The following STX8 variants were observed in gnomAD, a reference collection of about 807,000 sequenced individuals.
STX8 encodes syntaxin-8.
A neutral mutation model predicts 37.5 loss-of-function variants in STX8; 23 were observed. The observed-to-expected ratio is 0.61, with a 90% CI of 0.44 to 0.87. The LOEUF (loss-of-function observed/expected upper bound fraction) is 0.87, where lower values mean the gene tolerates loss of function less well. Among genes scored for constraint, STX8 ranks in the 40% least tolerant of loss-of-function variants. The pLI is 0.00. For missense variants in STX8, 313 were observed against 284.7 expected (o/e 1.10, Z -0.71); for synonymous variants, 115 against 99.1 (o/e 1.16, Z -0.95).
chr17:9,447,484 G>A (rs1346917878), intron 6 of STX8, among the ~76,000 whole-genome samples: 4 of 152,136 alleles, frequency 2.6e-5, no homozygotes, highest in South Asian at 2.1e-4. Context: ...GTGCAGTGAC[G>A]CAATCTCAGC....
chr17:9,299,848 A>C (rs1182276790), intron 7 of STX8, among the ~76,000 whole-genome samples: 1 of 152,212 alleles, frequency 6.6e-6, no homozygotes, highest in Non-Finnish European at 1.5e-5. Context: ...TTGTTACTCT[A>C]AATGTAATGT....
rs999244213 is a variant in STX8 at position 9,252,549 on chromosome 17, C to T, written c.644-1904G>A. On this transcript the variant is annotated intron_variant, in intron 7 of 7. Coordinates refer to ENST00000306357, the MANE Select transcript of STX8 (RefSeq NM_004853.3). ...GTTTGAACACGGGAGGCGGAGGTTG[C>T]AGTGAGCTGAGATCACACCACTGCA... Among the ~76,000 whole-genome samples the T allele has an allele frequency of 5.5e-5, 8 of 146,330 alleles. No homozygotes were observed. In the East Asian group the frequency reaches 1.6e-3, roughly 29 times the overall value.
At chr17:9,547,627 C>CAAAAAAAAAAA (rs11377271) in intron 3 of STX8, among the ~76,000 whole-genome samples, 5 of 53,272 alleles carry the variant, frequency 9.4e-5, no homozygotes, top group Non-Finnish European at 1.3e-4. Context: ...GACTCCGTCT[C>CAAAAAAAAAAA]AAAAAAAAAA....
intron 6 of STX8, among the ~76,000 whole-genome samples, chr17:9,431,106 T>G (rs1441406155): frequency 6.6e-6 from 1 of 151,796 alleles, no homozygotes; most frequent in Non-Finnish European, 1.5e-5. Flanking sequence ...TCCACCTGCC[T>G]TGGTCTCCCA....
At chr17:9,465,758 C>T (rs905337648) in intron 6 of STX8, among the ~76,000 whole-genome samples, 4 of 152,036 alleles carry the variant, frequency 2.6e-5, no homozygotes, top group East Asian at 1.9e-4. Context: ...GGACTGAAGC[C>T]AGGGCAGCCA....
intron 7 of STX8, among the ~76,000 whole-genome samples, chr17:9,344,385 C>T (rs1030698962): frequency 1.3e-5 from 2 of 151,988 alleles, no homozygotes; most frequent in Non-Finnish European, 2.9e-5. Context: ...CTCAGCCTCC[C>T]GAGTAGTTGG....
chr17:9,443,705 C>A (rs776943609), intron 6 of STX8, among the ~76,000 whole-genome samples: 1 of 152,182 alleles, frequency 6.6e-6, no homozygotes, highest in Non-Finnish European at 1.5e-5. Flanking sequence ...TTTCTACTGG[C>A]TCCTCTGTGG....
chr17:9,269,004 G>T (rs1030654996), intron 7 of STX8, among the ~76,000 whole-genome samples: 7 of 152,032 alleles, frequency 4.6e-5, no homozygotes, highest in Non-Finnish European at 8.8e-5. Context: ...TGGCTAAAAC[G>T]GTGAAACCCC....
intron 7 of STX8, among the ~76,000 whole-genome samples, chr17:9,355,500 ATTTTTTT>A (rs35363770): frequency 3.2e-5 from 4 of 124,440 alleles, no homozygotes; most frequent in Non-Finnish European, 5.0e-5. Context: ...ACACCTAGCA[ATTTTTTT>A]TTTTTTTTTT....
chr17:9,264,109 C>G (rs1447135931), intron 7 of STX8, among the ~76,000 whole-genome samples: 1 of 152,118 alleles, frequency 6.6e-6, no homozygotes, highest in Non-Finnish European at 1.5e-5. Context: ...ATGGAAGGAC[C>G]CTGAGATCAT....
chr17:9,548,009 T>G (rs1282453216), intron 3 of STX8, among the ~76,000 whole-genome samples: 1 of 151,938 alleles, frequency 6.6e-6, no homozygotes, highest in Non-Finnish European at 1.5e-5. Context: ...GCCAGGCTGG[T>G]CTCAAACTCC....
At chr17:9,401,355 T>G (rs1465608016) in intron 6 of STX8, among the ~76,000 whole-genome samples, 1 of 152,188 alleles carries the variant, frequency 6.6e-6, no homozygotes, top group Non-Finnish European at 1.5e-5. Context: ...ATGAATAGTT[T>G]TAAAAGTAGT....
intron 6 of STX8, among the ~76,000 whole-genome samples, chr17:9,402,205 C>T (rs1167670048): frequency 2.0e-5 from 3 of 152,144 alleles, no homozygotes; most frequent in Admixed American, 6.5e-5. Context: ...CTGCAACCTC[C>T]GCCTCCTGAG....
At chr17:9,563,484 C>T (rs1168307272) in intron 2 of STX8, among the ~76,000 whole-genome samples, 1 of 151,772 alleles carries the variant, frequency 6.6e-6, no homozygotes. Flanking sequence ...GCGCCTGGCC[C>T]GAAAGAGTAT....
chr17:9,350,178 A>C (rs1174592659), intron 7 of STX8, among the ~76,000 whole-genome samples: 1 of 142,458 alleles, frequency 7.0e-6, no homozygotes, highest in Admixed American at 6.9e-5. Flanking sequence ...GTAATGACTA[A>C]TGAATGGGCC....
At chr17:9,537,011 G>A (rs1906087942) in intron 4 of STX8, among the ~76,000 whole-genome samples, 1 of 152,122 alleles carries the variant, frequency 6.6e-6, no homozygotes, top group Non-Finnish European at 1.5e-5. Flanking sequence ...GCCTCCCAAA[G>A]CGCTGGGATT....
intron 5 of STX8, among the ~76,000 whole-genome samples, chr17:9,497,179 G>A (rs973399926): frequency 6.6e-6 from 1 of 152,004 alleles, no homozygotes. Flanking sequence ...AGGAAGAGTT[G>A]GAAAAAGAAC....
chr17:9,559,566 T>C (rs1789252603), intron 2 of STX8, among the ~76,000 whole-genome samples: 1 of 150,784 alleles, frequency 6.6e-6, no homozygotes, highest in Admixed American at 6.6e-5. Context: ...CACTACTGCC[T>C]TAACTACAAT....
Position 9,473,984 on chromosome 17 carries a change from C to T in STX8, c.541+17845G>A, listed in dbSNP as rs1355093504. On this transcript the variant is annotated intron_variant, in intron 6 of 7. Transcript: ENST00000306357. ...AACTTTCAGGCCAACTCCCAACCCC[C>T]AGGGAGGGGAGGGAGGCTGGAGATC... Among the ~76,000 whole-genome samples, 5 of 152,164 alleles carry T rather than the reference C, an allele frequency of 3.3e-5. 1 individual carries two copies. Among genetic ancestry groups the T allele is most frequent in the Admixed American group, 6.6e-5 (1 of 15,266 alleles).
Sources: allele counts gnomAD v4.1 joint callset (sites outside exome capture counted in the v4.1 genomes callset), GRCh38; gene constraint gnomAD v4.1.1; transcripts MANE v1.5; gene names NCBI Gene and HGNC (gene_info 2026-07-23, HGNC 2026-07-21).